The following CHRM3 variants were observed in gnomAD, a reference collection of about 807,000 sequenced individuals.
The protein encoded by CHRM3 is muscarinic acetylcholine receptor M3.
A neutral mutation model predicts 41.8 loss-of-function variants in CHRM3; 11 were observed. That is an observed-to-expected ratio of 0.26 (90% confidence interval 0.17 to 0.44). The LOEUF is 0.44. Ranked by LOEUF, CHRM3 falls within the 20% of genes least tolerant of loss-of-function variation. The pLI is 1.00. For missense variants in CHRM3, 571 were observed against 745.4 expected, an observed-to-expected ratio of 0.77 and a Z score of 2.72; for synonymous variants, 297 against 301.4, an observed-to-expected ratio of 0.99 and a Z score of 0.15.
chr1:239,533,969 C>T (rs1657942816), intron 2 of CHRM3, among the ~76,000 whole-genome samples: 1 of 152,048 alleles, frequency 6.6e-6, no homozygotes, highest in Non-Finnish European at 1.5e-5. Context: ...GCTGGCTTAG[C>T]AGCTCTTGCT....
intron 3 of CHRM3, among the ~76,000 whole-genome samples, chr1:239,565,495 GT>G (rs1443587916): frequency 1.3e-5 from 2 of 152,150 alleles, no homozygotes; most frequent in Admixed American, 1.3e-4. Flanking sequence ...AATTATTGAA[GT>G]CATACTATGA....
At chr1:239,897,565 C>G (rs1166079905) in intron 6 of CHRM3, among the ~76,000 whole-genome samples, 1 of 152,110 alleles carries the variant, frequency 6.6e-6, no homozygotes, top group Non-Finnish European at 1.5e-5. Context: ...TAATAAATAC[C>G]TCTTTAAAAT....
chr1:239,435,248 G>C (rs2103205101), intron 1 of CHRM3, among the ~76,000 whole-genome samples: 1 of 152,132 alleles, frequency 6.6e-6, no homozygotes, highest in South Asian at 2.1e-4. Flanking sequence ...TCAGGAGTTT[G>C]AGACCAGCCT....
chr1:239,723,317 A>G (rs563907975), intron 5 of CHRM3, among the ~76,000 whole-genome samples: 86 of 152,118 alleles, frequency 5.7e-4, no homozygotes, highest in African/African-American at 2.0e-3. Flanking sequence ...AATGCATTCT[A>G]AAGTATAATT....
At chr1:239,408,895 T>A (rs1200210569) in intron 1 of CHRM3, among the ~76,000 whole-genome samples, 1 of 152,086 alleles carries the variant, frequency 6.6e-6, no homozygotes, top group African/African-American at 2.4e-5. Context: ...ATGCTAGGTT[T>A]ATAGGCGTGA....
At chr1:239,897,837 A>G (rs1461948449) in intron 6 of CHRM3, among the ~76,000 whole-genome samples, 1 of 152,138 alleles carries the variant, frequency 6.6e-6, no homozygotes, top group African/African-American at 2.4e-5. Context: ...TTTGTTTTTG[A>G]GGAAAAACTG....
intron 3 of CHRM3, among the ~76,000 whole-genome samples, chr1:239,571,701 A>G (rs4659918): frequency 0.4 from 61,037 of 151,880 alleles, 13,168 homozygotes; most frequent in East Asian, 0.6. Context: ...ACGTCATTAC[A>G]CTCTCGTGTG....
chr1:239,737,999 T>G (rs1664527868), intron 5 of CHRM3, among the ~76,000 whole-genome samples: 1 of 151,930 alleles, frequency 6.6e-6, no homozygotes. Context: ...ATGACAAAAA[T>G]AACAACAACA....
intron 1 of CHRM3, among the ~76,000 whole-genome samples, chr1:239,400,570 G>T (rs781001650): frequency 5.3e-5 from 8 of 152,124 alleles, no homozygotes; most frequent in Non-Finnish European, 8.8e-5. Flanking sequence ...TCTTATGGTG[G>T]TTTCAGAGTT....
chr1:239,565,921 T>C (rs1053020460), intron 3 of CHRM3, among the ~76,000 whole-genome samples: 6 of 148,876 alleles, frequency 4.0e-5, no homozygotes, highest in Admixed American at 6.7e-5. Context: ...TTTTTTTTTT[T>C]TTTTTTTTTT....
At position 239,687,174 on chromosome 1, in the gene CHRM3, G is replaced by A. The variant is rs537995132; in HGVS notation, c.-147+8886G>A. 2.6e-5 allele frequency among the ~76,000 whole-genome samples: 4 copies of A among 151,888 alleles called. No individual in the cohort carries two copies. In the South Asian group the frequency reaches 8.3e-4, roughly 32 times the overall value. On this transcript the variant is annotated intron_variant, in intron 5 of 6. Transcript: ENST00000676153. ...GGAAAAATAATAAAATGGTAGCTATGTCCTTTGATGTCCAAGAATAATTGA... is the reference window on the plus strand; with the variant it reads ...GGAAAAATAATAAAATGGTAGCTATATCCTTTGATGTCCAAGAATAATTGA...
At chr1:239,513,363 T>C (rs573332936) in intron 2 of CHRM3, among the ~76,000 whole-genome samples, 2 of 152,320 alleles carry the variant, frequency 1.3e-5, no homozygotes, top group South Asian at 4.1e-4. Flanking sequence ...TTGTTTTAAC[T>C]TGGAATTTCT....
intron 4 of CHRM3, among the ~76,000 whole-genome samples, chr1:239,643,905 A>G (rs533412565): frequency 7.6e-4 from 116 of 152,326 alleles, no homozygotes; most frequent in African/African-American, 2.7e-3. Flanking sequence ...CTATTCGGCC[A>G]TCTTCTCATC....
chr1:239,874,309 A>ATACACAGTG, intron 6 of CHRM3, among the ~76,000 whole-genome samples: 1 of 120,240 alleles, frequency 8.3e-6, no homozygotes, highest in East Asian at 2.3e-4. Context: ...ATATATATAT[A>ATACACAGTG]TATATATATA....
chr1:239,798,683 C>T lies in CHRM3; in HGVS notation c.-146-28569C>T, dbSNP rs1019660875. Reference sequence around the variant, plus strand: ...TGGCTCTGTGAAATACCAAAGGACACGGATTACTTTGTGACTCTTCACTGA... The same window carrying T: ...TGGCTCTGTGAAATACCAAAGGACATGGATTACTTTGTGACTCTTCACTGA... On this transcript the variant is annotated intron_variant, in intron 5 of 6. Transcript: ENST00000676153. Among the ~76,000 whole-genome samples the T allele has an allele frequency of 3.9e-5, 6 of 152,114 alleles. 1 individual carries two copies. The South Asian group carries it at 6.2e-4, about 16-fold the overall frequency.
At chr1:239,660,784 T>C (rs955424381) in intron 4 of CHRM3, among the ~76,000 whole-genome samples, 5 of 152,174 alleles carry the variant, frequency 3.3e-5, no homozygotes, top group African/African-American at 9.7e-5. Flanking sequence ...TTCTGAAGGC[T>C]GAGGTACAAT....
At chr1:239,443,033 T>C (rs1663853432) in intron 1 of CHRM3, among the ~76,000 whole-genome samples, 1 of 152,250 alleles carries the variant, frequency 6.6e-6, no homozygotes, top group Admixed American at 6.5e-5. Context: ...ACGTTTTTAT[T>C]TGGCTGTGCC....
At chr1:239,883,932 TAAA>T (rs1028611380) in intron 6 of CHRM3, among the ~76,000 whole-genome samples, 2 of 152,244 alleles carry the variant, frequency 1.3e-5, no homozygotes, top group South Asian at 2.1e-4. Flanking sequence ...CTAATGCAAA[TAAA>T]AAACACACTG....
intron 6 of CHRM3, among the ~76,000 whole-genome samples, chr1:239,885,775 C>T (rs937791606): frequency 1.3e-5 from 2 of 152,114 alleles, no homozygotes; most frequent in Non-Finnish European, 2.9e-5. Flanking sequence ...TTAAAGGAAC[C>T]TTCAAGTCTC....
Sources: gnomAD v4.1 joint callset for allele counts (sites outside exome capture counted in the v4.1 genomes callset) on GRCh38, gnomAD v4.1.1 for gene constraint, MANE v1.5 for transcripts, NCBI Gene and HGNC (gene_info 2026-07-23, HGNC 2026-07-21) for gene names.